TMEM14B: variants seen among roughly 807,000 people sequenced by gnomAD.
TMEM14B encodes the protein transmembrane protein 14B.
A neutral mutation model predicts 14.8 loss-of-function variants in TMEM14B; 9 were observed. The ratio of observed to expected loss-of-function variants is 0.61; its 90% confidence interval spans 0.37 to 1.06. The LOEUF is 1.06. TMEM14B is among the 50% of genes least tolerant of loss of function. The pLI is 0.01. For synonymous variants in TMEM14B, 40 were observed against 51.3 expected, an observed-to-expected ratio of 0.78 and a Z score of 0.94; for missense variants, 128 against 143.6, an observed-to-expected ratio of 0.89 and a Z score of 0.56.
At chr6:10,748,452 C>T (rs1472375421) in intron 1 of TMEM14B, among the ~76,000 whole-genome samples, 1 of 152,024 alleles carries the variant, frequency 6.6e-6, no homozygotes, top group Non-Finnish European at 1.5e-5. Context: ...TGGGTTTCAC[C>T]ATGTTGACCA....
chr6:10,753,185 G>A (rs565210860), intron 4 of TMEM14B, among the ~76,000 whole-genome samples: 3 of 151,766 alleles, frequency 2.0e-5, no homozygotes, highest in East Asian at 1.9e-4. Context: ...GCGGTGAGCC[G>A]AGATGACGCC....
intron 3 of TMEM14B, 21 bp downstream of exon 3, chr6:10,749,719 A>G (rs1442347610): frequency 1.2e-6 from 2 of 1,613,388 alleles, no homozygotes; most frequent in African/African-American, 2.7e-5. Context: ...GTTGTTACTT[A>G]GCCTCTTAAC....
At chr6:10,749,503 C>A in intron 2 of TMEM14B, 119 bp from the exon 3 acceptor site, 1 of 1,238,776 alleles carries the variant, frequency 8.1e-7, no homozygotes, top group Non-Finnish European at 1.2e-6. Context: ...GTGATAGTAC[C>A]TGTGGGCACA....
At chr6:10,748,410 TTGTGTG>T (rs59276471) in intron 1 of TMEM14B, among the ~76,000 whole-genome samples, 37,996 of 150,680 alleles carry the variant, frequency 0.25, 5,085 homozygotes, top group East Asian at 0.39. Context: ...CATGCCCGAT[TTGTGTG>T]TGTGTGTGTG....
chr6:10,749,551 C>T, intron 2 of TMEM14B, 71 bp from the exon 3 acceptor site: 3 of 1,550,590 alleles, frequency 1.9e-6, no homozygotes, highest in Non-Finnish European at 2.7e-6. Context: ...TAGCCCCATC[C>T]TATGACAATA....
At chr6:10,752,612 A>G (rs1771634622) in intron 4 of TMEM14B, among the ~76,000 whole-genome samples, 1 of 151,812 alleles carries the variant, frequency 6.6e-6, no homozygotes, top group South Asian at 2.1e-4. Flanking sequence ...GTCTCCCACC[A>G]TGTCAGGCTA....
At position 10,749,387 on chromosome 6, in the gene TMEM14B, A is replaced by G. The variant is rs1307182457; in HGVS notation, c.23+119A>G. ...CTGGGATGGCGTGCGGGATGGGAGGATCACTGGACCTGTGGGCCAGAAACT... is the reference window on the plus strand; with the variant it reads ...CTGGGATGGCGTGCGGGATGGGAGGGTCACTGGACCTGTGGGCCAGAAACT... On this transcript the variant is annotated intron_variant, in intron 2 of 5. Transcript: ENST00000379542. 5 of 1,329,458 alleles carry G rather than the reference A, an allele frequency of 3.8e-6. No homozygotes were observed. The Admixed American group carries it at 9.1e-5, about 24-fold the overall frequency. The allele number at this position is 1,329,458 out of a possible 1,614,324, so 82.4% of individuals were successfully genotyped here.
intron 1 of TMEM14B, among the ~76,000 whole-genome samples, chr6:10,748,639 T>C (rs1301744471): frequency 1.3e-5 from 2 of 152,122 alleles, no homozygotes; most frequent in East Asian, 3.9e-4. Flanking sequence ...TGTAAGAAAA[T>C]AGGAGCTGTT....
downstream of TMEM14B, among the ~76,000 whole-genome samples, chr6:10,758,666 A>C (rs1482538388): frequency 6.8e-6 from 1 of 147,248 alleles, no homozygotes; most frequent in Admixed American, 6.7e-5. Flanking sequence ...TGGGGGCACA[A>C]GGAGGGGAGT....
intron 4 of TMEM14B, among the ~76,000 whole-genome samples, chr6:10,752,405 C>T (rs143765975): frequency 0.012 from 1,790 of 151,642 alleles, 44 homozygotes; most frequent in African/African-American, 0.042. Context: ...GGTGGATCCC[C>T]GCATTGATAT....
chr6:10,752,452 CTTTTTTTTTTTT>C (rs60849022), intron 4 of TMEM14B, among the ~76,000 whole-genome samples: 1 of 112,504 alleles, frequency 8.9e-6, no homozygotes, highest in African/African-American at 3.6e-5. Context: ...CATAAACTAC[CTTTTTTTTTTTT>C]TTTTTTTTTT....
At chr6:10,748,255 T>G (rs912654044) in intron 1 of TMEM14B, among the ~76,000 whole-genome samples, 36 of 151,768 alleles carry the variant, frequency 2.4e-4, no homozygotes, top group East Asian at 1.2e-3. Flanking sequence ...TTTCTTTTTT[T>G]GGGGGGTGGG....
rs577459173 is a variant in TMEM14B at position 10,749,664 on chromosome 6, T to G, written c.66T>G (p.Val22=). 32 of 1,614,230 alleles carry G rather than the reference T, an allele frequency of 2.0e-5. No individual in the cohort carries two copies. The South Asian group carries it at 3.4e-4, about 17-fold the overall frequency. The part of the protein sequence containing the change: ...HWFGFGYTAL[V]VSGGIVGYVK... ...TTGGCTTTGGCTACACAGCACTGGT[T>G]GTTTCTGGTGGGATCGTTGGCTATG... The change falls in exon 3 of 6, where the codon GTT becomes GTG. Residue 22 remains valine (V), a synonymous_variant. Coordinates refer to ENST00000379542, the MANE Select transcript of TMEM14B (RefSeq NM_030969.5).
rs139944119 is a variant in TMEM14B, at chr6:10,756,458, T to G, written c.294-9T>G. ...ACCTGATGTTTTCTATCTTACTTGTTTTAAACAGTTTGCTGATGGCCGCCA... is the reference window on the plus strand; with the variant it reads ...ACCTGATGTTTTCTATCTTACTTGTGTTAAACAGTTTGCTGATGGCCGCCA... On this transcript the variant is annotated splice_polypyrimidine_tract_variant and intron_variant, in intron 5 of 5. Coordinates refer to ENST00000379542, the MANE Select transcript of TMEM14B (RefSeq NM_030969.5). 267 of 1,612,202 alleles carry G rather than the reference T, an allele frequency of 1.7e-4. 1 individual carries two copies. In the African/African-American group the frequency reaches 3.0e-3, roughly 18 times the overall value.
chr6:10,749,309 C>T, intron 2 of TMEM14B, 41 bp downstream of exon 2: 3 of 1,612,050 alleles, frequency 1.9e-6, no homozygotes, highest in Non-Finnish European at 2.5e-6. Context: ...CCAGGAGCTT[C>T]TGGAAACCAG....
intron 4 of TMEM14B, 72 bp downstream of exon 4, chr6:10,751,306 G>A (rs919707746): frequency 8.3e-6 from 13 of 1,558,798 alleles, no homozygotes; most frequent in Non-Finnish European, 1.1e-5. Flanking sequence ...ACCCTGGTTT[G>A]GTGGGATGGA....
At chr6:10,755,344 C>T (rs1173622106) in intron 5 of TMEM14B, 112 bp downstream of exon 5, 1 of 1,568,812 alleles carries the variant, frequency 6.4e-7, no homozygotes, top group Non-Finnish European at 8.6e-7. Context: ...TATGCATCAA[C>T]TGACGTTTGA....
intron 3 of TMEM14B, among the ~76,000 whole-genome samples, chr6:10,750,291 T>C (rs192618158): frequency 5.9e-5 from 9 of 152,038 alleles, no homozygotes; most frequent in African/African-American, 1.9e-4. Context: ...AGTGTTGTAC[T>C]TGAGCGAGTT....
rs551417388 is a variant in TMEM14B at position 10,750,627 on chromosome 6, C to T, written c.101-506C>T. On this transcript the variant is annotated intron_variant, in intron 3 of 5. Coordinates refer to ENST00000379542, the MANE Select transcript of TMEM14B (RefSeq NM_030969.5). ...TGGGAACTGCGGATATAGCTCGCCACAGTATCTTATCAGTTAATTGCATTC... is the reference window on the plus strand; with the variant it reads ...TGGGAACTGCGGATATAGCTCGCCATAGTATCTTATCAGTTAATTGCATTC... Among the ~76,000 whole-genome samples, 3 of 152,120 alleles carry T rather than the reference C, an allele frequency of 2.0e-5. No homozygotes were observed. In the East Asian group the frequency reaches 5.8e-4, roughly 29 times the overall value.
Sources: gnomAD v4.1 joint callset for allele counts (sites outside exome capture counted in the v4.1 genomes callset) on GRCh38, gnomAD v4.1.1 for gene constraint, MANE v1.5 for transcripts, NCBI Gene and HGNC (gene_info 2026-07-23, HGNC 2026-07-21) for gene names.